The following AFDN variants were observed in gnomAD, a reference collection of about 807,000 sequenced individuals.
The protein encoded by AFDN is afadin, adherens junction formation factor, also known as afadin.
Under a neutral mutation model 216.6 loss-of-function variants are expected in AFDN, and 68 were observed. That is an observed-to-expected ratio of 0.31 (90% CI 0.26 to 0.38). The LOEUF (loss-of-function observed/expected upper bound fraction) is 0.38, where lower values mean the gene tolerates loss of function less well. AFDN is among the 10% of genes least tolerant of loss of function. The probability of loss-of-function intolerance (pLI) is 1.00; values close to 1 mark genes in which losing one functional copy is unlikely to be tolerated. For missense variants in AFDN, 2,136 were observed against 2,342.0 expected, an observed-to-expected ratio of 0.91 and a Z score of 1.82; for synonymous variants, 868 against 853.7, an observed-to-expected ratio of 1.02 and a Z score of -0.29.
chr6:167,914,516 C>T, intron 17 of AFDN, 128 bp from the exon 18 acceptor site: 1 of 905,398 alleles, frequency 1.1e-6, no homozygotes, highest in Non-Finnish European at 1.6e-6. Context: ...AGCTATGTTT[C>T]AAGATTCCAC....
intron 6 of AFDN, among the ~76,000 whole-genome samples, chr6:167,887,605 G>A (rs188177597): frequency 2.0e-5 from 3 of 152,066 alleles, no homozygotes; most frequent in South Asian, 4.1e-4. Context: ...ACAGGCGCAC[G>A]CTGCCATGTC....
rs768971549 is a variant in AFDN at position 167,911,437 on chromosome 6, A to T, written c.1985A>T (p.Lys662Ile). ...ATCAGCCCTACAGAGCGCACACATAAAGTCATTGCAGTCGTCAACAAGATG... is the reference window on the plus strand; with the variant it reads ...ATCAGCCCTACAGAGCGCACACATATAGTCATTGCAGTCGTCAACAAGATG... Reference protein sequence around the residue: ...PDISPTERTHKVIAVVNKMVS... With the variant: ...PDISPTERTHIVIAVVNKMVS... Residue 662 changes from lysine (K) to isoleucine (I), a missense_variant, in exon 15 of 34, where the codon AAA (lysine) becomes ATA (isoleucine). Lys to Ile is a moderately radical substitution (Grantham distance 102). Transcript: ENST00000683244. 1 of 1,614,074 alleles carries T rather than the reference A, an allele frequency of 6.2e-7. No homozygotes were observed. The highest frequency in any genetic ancestry group is 1.7e-5 in the Admixed American group (1 of 60,016).
chr6:167,927,365 C>T (rs908123881), intron 23 of AFDN, among the ~76,000 whole-genome samples: 4 of 151,858 alleles, frequency 2.6e-5, no homozygotes, highest in Admixed American at 6.6e-5. Context: ...GAGACCTGTG[C>T]GATTACTAAG....
intron 30 of AFDN, chr6:167,954,316 T>C: frequency 1.8e-6 from 1 of 549,760 alleles, no homozygotes; most frequent in South Asian, 3.3e-5. Context: ...TCTGTAGTTC[T>C]TTACCTTTCT....
chr6:167,917,428 C>T (rs529645408), intron 20 of AFDN, among the ~76,000 whole-genome samples, 196 bp downstream of exon 20: 1 of 152,268 alleles, frequency 6.6e-6, no homozygotes, highest in East Asian at 1.9e-4. Flanking sequence ...GGATTTTATT[C>T]AGGAAATTAG....
In AFDN at chr6:167,902,774, G is replaced by A. The variant is rs549851800; in HGVS notation, c.1650+388G>A. Among the ~76,000 whole-genome samples the A allele has an allele frequency of 1.6e-4, 24 of 152,318 alleles. No homozygotes were observed. In the East Asian group the frequency reaches 4.2e-3, roughly 27 times the overall value. The stretch of plus-strand genomic sequence containing the variant: ...GCAGCTTACCACAGGTAGCTGAACT[G>A]TAGAAAGAGAAACTGCAGATAAGGG... On this transcript the variant is annotated intron_variant, in intron 12 of 33. Transcript: ENST00000683244.
intron 30 of AFDN, chr6:167,954,447 G>A: frequency 6.5e-7 from 1 of 1,541,752 alleles, no homozygotes; most frequent in Non-Finnish European, 8.7e-7. Context: ...TTCTTTCTCT[G>A]TTACCTGCAG....
intron 26 of AFDN, among the ~76,000 whole-genome samples, chr6:167,946,412 A>T (rs1562722147): frequency 6.6e-6 from 1 of 150,502 alleles, no homozygotes; most frequent in African/African-American, 2.4e-5. Context: ...ATCTTTATTG[A>T]TTTTTTTTTT....
intron 30 of AFDN, among the ~76,000 whole-genome samples, chr6:167,957,998 G>C (rs73036611): frequency 0.02 from 2,982 of 152,266 alleles, 54 homozygotes; most frequent in Non-Finnish European, 0.033. Context: ...CCATGGGAGA[G>C]ACTTTGCCAG....
chr6:167,860,474 C>G (rs930027034), intron 1 of AFDN, among the ~76,000 whole-genome samples: 1 of 152,260 alleles, frequency 6.6e-6, no homozygotes. Flanking sequence ...AAGCTATATT[C>G]TAGTGGGAGA....
intron 1 of AFDN, among the ~76,000 whole-genome samples, chr6:167,857,308 A>G (rs892417976): frequency 6.6e-6 from 1 of 152,056 alleles, no homozygotes; most frequent in Non-Finnish European, 1.5e-5. Flanking sequence ...GTCATAATGT[A>G]TCTGGACTAT....
intron 1 of AFDN, among the ~76,000 whole-genome samples, chr6:167,832,836 C>T (rs113305433): frequency 0.061 from 9,330 of 152,206 alleles, 962 homozygotes; most frequent in African/African-American, 0.21. Context: ...ACCTTGGTTG[C>T]ACATGTTTAC....
chr6:167,833,402 G>C (rs1274982291), intron 1 of AFDN, among the ~76,000 whole-genome samples: 1 of 152,142 alleles, frequency 6.6e-6, no homozygotes, highest in East Asian at 1.9e-4. Context: ...TGTTGTTTGG[G>C]GGGTGTTTTA....
Position 167,864,743 on chromosome 6 carries a change from G to C in AFDN, c.298G>C (p.Gly100Arg). The C allele has an allele frequency of 1.2e-6, 2 of 1,614,026 alleles. No homozygotes were observed. The highest frequency in any genetic ancestry group is 1.7e-5 in the Admixed American group (1 of 60,018). Reference protein sequence around the residue: ...KYSLYEVHVSGERRLDIDEKP... With the variant: ...KYSLYEVHVSRERRLDIDEKP... ...TTCACTCTATGAAGTGCATGTCAGC[G>C]GAGGTCAGTGTATACAGGAAGGGTT... is the stretch of plus-strand genomic sequence containing the variant. Residue 100 changes from glycine (G) to arginine (R), a missense_variant, in exon 2 of 34, where the codon GGA (glycine) becomes CGA (arginine). Physicochemically the swap from Gly to Arg is moderately radical, Grantham distance 125. Transcript: ENST00000683244.
chr6:167,951,152 G>A lies in AFDN; in HGVS notation c.3832-34G>A. On this transcript the variant is annotated intron_variant, in intron 29 of 33. Transcript: ENST00000683244. This position sits in a 1 kb window ranked among gnomAD's most constrained non-coding sequence, Gnocchi z 7.1. ...GGATATTTGGTAATTTCTAGTAAAT[G>A]GCTGAAATATAATAATTCTTTTTCT... The A allele has an allele frequency of 6.6e-7, 1 of 1,512,926 alleles. No homozygotes were observed. Among genetic ancestry groups the A allele is most frequent in the Non-Finnish European group, 8.8e-7 (1 of 1,132,246 alleles). 93.7% of individuals were successfully genotyped at this position (1,512,926 alleles called of 1,614,324 possible). A position where few individuals can be genotyped will look rare whatever the true frequency, so the allele number is the denominator to read the frequency against.
chr6:167,940,305 A>G, intron 23 of AFDN, among the ~76,000 whole-genome samples: 1 of 128,138 alleles, frequency 7.8e-6, no homozygotes, highest in Non-Finnish European at 1.7e-5. Context: ...TCCACAGGAG[A>G]CATGTGGACA....
At chr6:167,834,319 G>GTGC (rs1280749024) in intron 1 of AFDN, among the ~76,000 whole-genome samples, 1 of 152,010 alleles carries the variant, frequency 6.6e-6, no homozygotes, top group Non-Finnish European at 1.5e-5. Flanking sequence ...ATCCTCATAA[G>GTGC]TGCTCGCACT....
chr6:167,863,830 G>A (rs1445663587), intron 1 of AFDN: 5 of 518,140 alleles, frequency 9.6e-6, no homozygotes, highest in Admixed American at 1.9e-5. Flanking sequence ...TCTAAAATGC[G>A]TTCATTGATT....
rs568379937 is a variant in AFDN at position 167,966,966 on chromosome 6, C to T, written c.5257+921C>T. On this transcript the variant is annotated intron_variant, in intron 32 of 33. Coordinates refer to ENST00000683244, the MANE Select transcript of AFDN (RefSeq NM_001386888.1). ...ACACCAGCAGCCAGACCTTAGCAGG[C>T]GTGCAGCTGCCGTTAGGGAAACCCC... Among the ~76,000 whole-genome samples the T allele has an allele frequency of 4.6e-5, 7 of 152,350 alleles. No homozygotes were observed. In the South Asian group the frequency reaches 1.0e-3, roughly 23 times the overall value.
Sources: gnomAD v4.1 joint callset for allele counts (sites outside exome capture counted in the v4.1 genomes callset) on GRCh38, gnomAD v4.1.1 for gene constraint, Gnocchi (gnomAD v3.1) non-coding constraint, MANE v1.5 for transcripts, NCBI Gene and HGNC (gene_info 2026-07-23, HGNC 2026-07-21) for gene names.